Variants in LHFPL6 observed in about 807,000 individuals in gnomAD.
LHFPL6 encodes the protein LHFPL tetraspan subfamily member 6.
Under a neutral mutation model 20.6 loss-of-function variants are expected in LHFPL6, and 9 were observed. The ratio of observed to expected loss-of-function variants is 0.44; its 90% CI spans 0.26 to 0.76. The LOEUF (loss-of-function observed/expected upper bound fraction) is 0.76. Among genes scored for constraint, LHFPL6 ranks in the 30% least tolerant of loss-of-function variants. The pLI, the probability that LHFPL6 is intolerant of heterozygous loss-of-function variation, is 0.20. For missense variants in LHFPL6, 218 were observed against 253.5 expected, an observed-to-expected ratio of 0.86 and a Z score of 0.95; for synonymous variants, 105 against 98.7, an observed-to-expected ratio of 1.06 and a Z score of -0.38.
intron 2 of LHFPL6, among the ~76,000 whole-genome samples, chr13:39,509,090 T>C (rs1869594196): frequency 6.6e-6 from 1 of 152,198 alleles, no homozygotes. Context: ...ATTTCCTAAA[T>C]GATAAATGAT....
intron 3 of LHFPL6, among the ~76,000 whole-genome samples, chr13:39,368,835 A>C (rs1359193): frequency 0.83 from 126,508 of 151,592 alleles, 53,161 homozygotes; most frequent in Middle Eastern, 0.93. Context: ...TTTCTTATTA[A>C]AATGGCAACA....
intron 2 of LHFPL6, among the ~76,000 whole-genome samples, chr13:39,482,238 G>C (rs1868551340): frequency 6.6e-6 from 1 of 152,186 alleles, no homozygotes; most frequent in South Asian, 2.1e-4. Context: ...GAGGTCAGGA[G>C]TTTGAGACCA....
At chr13:39,569,193 T>G (rs9594344) in intron 2 of LHFPL6, among the ~76,000 whole-genome samples, 1,835 of 30,706 alleles carry the variant, frequency 0.06, 39 homozygotes, top group African/African-American at 0.24. Context: ...ATGGATGGAT[T>G]GATGGACAGA....
At chr13:39,552,867 T>C (rs1249271549) in intron 2 of LHFPL6, among the ~76,000 whole-genome samples, 1 of 152,206 alleles carries the variant, frequency 6.6e-6, no homozygotes, top group African/African-American at 2.4e-5. Flanking sequence ...ATGAGGATGA[T>C]GCTTTGGGAT....
intron 2 of LHFPL6, among the ~76,000 whole-genome samples, chr13:39,574,412 G>A (rs953869058): frequency 5.9e-5 from 9 of 151,506 alleles, no homozygotes; most frequent in Non-Finnish European, 1.2e-4. Flanking sequence ...AACCCCAAGA[G>A]GCGGAGCTTG....
intron 2 of LHFPL6, among the ~76,000 whole-genome samples, chr13:39,597,617 C>T (rs1872808987): frequency 6.6e-6 from 1 of 152,136 alleles, no homozygotes; most frequent in Non-Finnish European, 1.5e-5. Context: ...TAACTCAACC[C>T]ACACTGGTTC....
intron 2 of LHFPL6, among the ~76,000 whole-genome samples, chr13:39,472,779 T>G (rs1872979565): frequency 6.6e-6 from 1 of 152,044 alleles, no homozygotes; most frequent in African/African-American, 2.4e-5. Context: ...CAGCTAACTT[T>G]TGTATTTTTA....
chr13:39,516,481 C>T (rs1342246682), intron 2 of LHFPL6, among the ~76,000 whole-genome samples: 4 of 152,234 alleles, frequency 2.6e-5, no homozygotes, highest in African/African-American at 9.6e-5. Context: ...ATATGTTTCT[C>T]GTTTTCAGAT....
chr13:39,462,446 C>A (rs1052827011), intron 2 of LHFPL6, among the ~76,000 whole-genome samples: 1 of 152,170 alleles, frequency 6.6e-6, no homozygotes, highest in African/African-American at 2.4e-5. Flanking sequence ...TAGCAAACTG[C>A]AAATAATCTC....
In LHFPL6 at chr13:39,498,586, G is replaced by C. The variant is rs143378037; in HGVS notation, c.385+102246C>G. 1.2e-4 allele frequency among the ~76,000 whole-genome samples: 19 copies of C among 152,370 alleles called. No homozygotes were observed. In the East Asian group the frequency reaches 2.3e-3, roughly 19 times the overall value. On this transcript the variant is annotated intron_variant, in intron 2 of 3. Coordinates refer to ENST00000379589, the MANE Select transcript of LHFPL6 (RefSeq NM_005780.3). Reference sequence around the variant, plus strand: ...GTCTGAATAATTCAAGTATGCAGCTGTGGTTGGGAAGTCCAAAACACAGCC... The same window carrying C: ...GTCTGAATAATTCAAGTATGCAGCTCTGGTTGGGAAGTCCAAAACACAGCC...
At chr13:39,369,245 C>T (rs1376501108) in intron 3 of LHFPL6, among the ~76,000 whole-genome samples, 3 of 152,046 alleles carry the variant, frequency 2.0e-5, no homozygotes, top group African/African-American at 7.2e-5. Context: ...GCTTGAATTT[C>T]CCTGCTATAA....
At chr13:39,592,478 T>C (rs1872637948) in intron 2 of LHFPL6, among the ~76,000 whole-genome samples, 2 of 152,076 alleles carry the variant, frequency 1.3e-5, no homozygotes, top group Admixed American at 6.5e-5. Context: ...AGGCAATAAT[T>C]AATAGCTTAC....
intron 2 of LHFPL6, among the ~76,000 whole-genome samples, chr13:39,401,000 G>C (rs1455057082): frequency 2.0e-5 from 3 of 152,010 alleles, no homozygotes; most frequent in Non-Finnish European, 4.4e-5. Context: ...TGAAACCATA[G>C]AGCAAGCCAT....
chr13:39,434,261 C>G (rs1222402830), intron 2 of LHFPL6, among the ~76,000 whole-genome samples: 1 of 152,126 alleles, frequency 6.6e-6, no homozygotes, highest in Non-Finnish European at 1.5e-5. Flanking sequence ...GCCTTTACAA[C>G]ATCTTTGTAA....
chr13:39,467,892 G>C (rs1281563547), intron 2 of LHFPL6, among the ~76,000 whole-genome samples: 1 of 152,100 alleles, frequency 6.6e-6, no homozygotes, highest in Non-Finnish European at 1.5e-5. Context: ...GACCCCATTG[G>C]GTTATTGAGT....
At chr13:39,441,746 C>A (rs563486662) in intron 2 of LHFPL6, among the ~76,000 whole-genome samples, 2 of 150,812 alleles carry the variant, frequency 1.3e-5, no homozygotes, top group Admixed American at 1.3e-4. Flanking sequence ...CTCCTGGGCT[C>A]AAGCAATCTG....
chr13:39,562,444 A>ATACATATG (rs1871533066), intron 2 of LHFPL6, among the ~76,000 whole-genome samples: 1 of 139,326 alleles, frequency 7.2e-6, no homozygotes, highest in East Asian at 2.0e-4. Context: ...ATATACATAT[A>ATACATATG]TACACATATA....
intron 2 of LHFPL6, among the ~76,000 whole-genome samples, chr13:39,547,128 C>G (rs1871005812): frequency 6.6e-6 from 1 of 152,068 alleles, no homozygotes; most frequent in African/African-American, 2.4e-5. Flanking sequence ...TCCTTTCCTT[C>G]CACATTTCAC....
chr13:39,489,393 C>A (rs1186946417), intron 2 of LHFPL6, among the ~76,000 whole-genome samples: 1 of 152,146 alleles, frequency 6.6e-6, no homozygotes, highest in Non-Finnish European at 1.5e-5. Context: ...CAAGGTCTAT[C>A]AGTTGTCTAC....
Sources: gnomAD v4.1 joint callset for allele counts (sites outside exome capture counted in the v4.1 genomes callset) on GRCh38, gnomAD v4.1.1 for gene constraint, MANE v1.5 for transcripts, NCBI Gene and HGNC (gene_info 2026-07-23, HGNC 2026-07-21) for gene names.